Variants in DCAF4 observed in about 807,000 individuals in gnomAD.
DCAF4 encodes DDB1 and CUL4 associated factor 4, also known as DDB1- and CUL4-associated factor 4.
A neutral mutation model predicts 60.9 loss-of-function variants in DCAF4; 37 were observed. The ratio of observed to expected loss-of-function variants is 0.61; its 90% CI spans 0.47 to 0.80. The LOEUF is 0.80. DCAF4 is among the 30% of genes least tolerant of loss of function. DCAF4 has a pLI of 0.00. For synonymous variants in DCAF4, 243 were observed against 254.8 expected, an observed-to-expected ratio of 0.95 and a Z score of 0.44; for missense variants, 577 against 650.0, an observed-to-expected ratio of 0.89 and a Z score of 1.22.
intron 1 of DCAF4, among the ~76,000 whole-genome samples, chr14:72,931,259 TTC>T (rs1007896866): frequency 8.6e-6 from 1 of 116,646 alleles, no homozygotes; most frequent in Non-Finnish European, 1.8e-5. Flanking sequence ...TAAGTACTTT[TTC>T]TCTTTTTTTT....
Position 72,952,992 on chromosome 14 carries a change from C to CTTTTTTTTTTTTT in DCAF4, c.808+1128_808+1140dup. Reference sequence around the variant, plus strand: ...ACAGGTGTGAGCCACAATGCCCGGCCTTTTTTTTTTTTTTTTTTTTTTTTT... The same window carrying CTTTTTTTTTTTTT: ...ACAGGTGTGAGCCACAATGCCCGGCCTTTTTTTTTTTTTTTTTTTTTTTTTTTTTTTTTTTTTT... On this transcript the variant is annotated intron_variant, in intron 9 of 13. Transcript: ENST00000358377. Among the ~76,000 whole-genome samples the CTTTTTTTTTTTTT allele has an allele frequency of 6.5e-4, 27 of 41,604 alleles. 5 individuals carry two copies. The highest frequency in any genetic ancestry group is 8.8e-4 in the Non-Finnish European group (21 of 23,750). 27.3% of individuals were successfully genotyped at this position (41,604 alleles called of 152,430 possible).
intron 8 of DCAF4, among the ~76,000 whole-genome samples, chr14:72,951,453 A>T (rs2140285904): frequency 6.6e-6 from 1 of 152,222 alleles, no homozygotes; most frequent in Middle Eastern, 3.4e-3. Flanking sequence ...CTCTACTAAA[A>T]ATACAAAATT....
intron 7 of DCAF4, among the ~76,000 whole-genome samples, chr14:72,946,912 G>T (rs1484668420): frequency 1.3e-5 from 2 of 152,336 alleles, no homozygotes; most frequent in Middle Eastern, 3.4e-3. Context: ...CCTGCCCAGA[G>T]GGTATGCCAG....
chr14:72,935,857 T>C (rs1889197678), intron 1 of DCAF4, among the ~76,000 whole-genome samples: 2 of 152,254 alleles, frequency 1.3e-5, no homozygotes, highest in African/African-American at 2.4e-5. Context: ...ATTAGAATCA[T>C]TTCATATACA....
chr14:72,960,157 ATTT>A (rs34676562), downstream of DCAF4, among the ~76,000 whole-genome samples: 2 of 143,950 alleles, frequency 1.4e-5, no homozygotes, highest in Non-Finnish European at 1.5e-5. Context: ...AAAGAACCAA[ATTT>A]TTTTTTTTTT....
In DCAF4 at chr14:72,953,730, A is replaced by AT. The variant is rs1179787420; in HGVS notation, c.809-434_809-433insT. Among the ~76,000 whole-genome samples the AT allele has an allele frequency of 5.3e-3, 146 of 27,748 alleles. 15 individuals are homozygous for AT. The highest frequency in any genetic ancestry group is 0.011 in the East Asian group (14 of 1,276). The allele number at this position is 27,748 out of a possible 152,430, so 18.2% of individuals were successfully genotyped here. A position where few individuals can be genotyped will look rare whatever the true frequency, so the allele number is the denominator to read the frequency against. On this transcript the variant is annotated intron_variant, in intron 9 of 13. Transcript: ENST00000358377. ...GTCTTAAAAAAAAAAAAAAAAAAAAAAAATATATATATATATATATATATA... is the reference window on the plus strand; with the variant it reads ...GTCTTAAAAAAAAAAAAAAAAAAAAATAAATATATATATATATATATATATA...
At position 72,951,817 on chromosome 14, in the gene DCAF4, G is replaced by T. The variant is rs372672880; in HGVS notation, c.748G>T (p.Ala250Ser). 3 of 1,613,982 alleles carry T rather than the reference G, an allele frequency of 1.9e-6. No homozygotes were observed. The highest frequency in any genetic ancestry group is 2.5e-6 in the Non-Finnish European group (3 of 1,180,014). ...SHILLCLMGL[A>S]ETPGCATLLP... ...TTCCAGGCTATGCCTCATGGGACTC[G>T]CAGAGACTCCAGGCTGTGCCACCCT... The change falls in exon 9 of 14, where the codon GCA becomes TCA. Residue 250 changes from alanine (A) to serine (S), a missense_variant. Transcript: ENST00000358377.
chr14:72,946,611 C>G (rs547605919), intron 7 of DCAF4, among the ~76,000 whole-genome samples: 1 of 152,092 alleles, frequency 6.6e-6, no homozygotes, highest in South Asian at 2.1e-4. Context: ...TGGAAATGGG[C>G]GACAGTGACT....
chr14:72,927,187 G>A (rs1887685825), intron 1 of DCAF4, among the ~76,000 whole-genome samples: 1 of 152,140 alleles, frequency 6.6e-6, no homozygotes, highest in African/African-American at 2.4e-5. Flanking sequence ...AAACCATGAC[G>A]CCTTTCACCA....
At chr14:72,961,807 G>C, downstream of DCAF4, 1 of 1,029,194 alleles carries the variant, frequency 9.7e-7, no homozygotes, top group South Asian at 4.1e-5. Flanking sequence ...AAGCCAAGAG[G>C]TGGACTGGAA....
At chr14:72,928,179 T>A (rs1156943877) in intron 1 of DCAF4, among the ~76,000 whole-genome samples, 14 of 124,530 alleles carry the variant, frequency 1.1e-4, no homozygotes, top group African/African-American at 4.2e-4. Flanking sequence ...GTCTACAGAA[T>A]CCCCCCACTT....
intron 5 of DCAF4, 95 bp downstream of exon 5, chr14:72,941,919 T>C: frequency 7.4e-7 from 1 of 1,345,832 alleles, no homozygotes; most frequent in South Asian, 1.3e-5. Flanking sequence ...ATAGACCATG[T>C]GGCTACCCCG....
At position 72,940,281 on chromosome 14, in the gene DCAF4, TAAC is replaced by T. The variant is rs1567305263; in HGVS notation, c.259_261del (p.Asn87del). Reference sequence around the variant, plus strand: ...GCTACTTCCGCTTGCTCCCTGGACATAACAACTGCAACCCCCTGACGAAAGAGA... The same window carrying T: ...GCTACTTCCGCTTGCTCCCTGGACATAACTGCAACCCCCTGACGAAAGAGA... On this transcript the variant is annotated inframe_deletion, in exon 4 of 14. Coordinates refer to ENST00000358377, the MANE Select transcript of DCAF4 (RefSeq NM_015604.4). 6.2e-7 allele frequency: 1 copy of T among 1,614,172 alleles called. No individual in the cohort carries two copies. Among genetic ancestry groups the T allele is most frequent in the Admixed American group, 1.7e-5 (1 of 60,004 alleles).
chr14:72,951,998 TC>T, intron 9 of DCAF4, 121 bp downstream of exon 9: 1 of 1,035,854 alleles, frequency 9.7e-7, no homozygotes, highest in Non-Finnish European at 1.5e-6. Context: ...CCTAAGCCTG[TC>T]CCAGGGTTAG....
At chr14:72,960,320 T>C (rs1384649434), downstream of DCAF4, among the ~76,000 whole-genome samples, 3 of 152,108 alleles carry the variant, frequency 2.0e-5, no homozygotes, top group Admixed American at 6.6e-5. Context: ...TGGCTAATTT[T>C]GTATTTTTAG....
intron 4 of DCAF4, chr14:72,940,588 GTTGTT>G (rs1889902778): frequency 8.7e-5 from 24 of 276,518 alleles, no homozygotes; most frequent in East Asian, 1.9e-4. Flanking sequence ...TGTTCGATAA[GTTGTT>G]TTTTTTTTTT....
intron 1 of DCAF4, chr14:72,930,054 C>A (rs1888335260): frequency 7.3e-6 from 4 of 549,438 alleles, no homozygotes; most frequent in South Asian, 2.4e-5. Flanking sequence ...CGGCTTGAGC[C>A]GGGGAGATGG....
At chr14:72,951,382 C>T (rs1345518190) in intron 8 of DCAF4, among the ~76,000 whole-genome samples, 2 of 151,958 alleles carry the variant, frequency 1.3e-5, no homozygotes, top group African/African-American at 2.4e-5. Flanking sequence ...GAGGCCGAGG[C>T]GGGCGGATCA....
At chr14:72,929,470 G>A (rs1389327487) in intron 1 of DCAF4, 9 of 616,306 alleles carry the variant, frequency 1.5e-5, no homozygotes, top group Non-Finnish European at 2.3e-5. Context: ...GCCAAGGCAG[G>A]AGGATCGCTG....
Sources: gnomAD v4.1 joint callset for allele counts (sites outside exome capture counted in the v4.1 genomes callset) on GRCh38, gnomAD v4.1.1 for gene constraint, MANE v1.5 for transcripts, NCBI Gene and HGNC (gene_info 2026-07-23, HGNC 2026-07-21) for gene names.